Variants in SEMA3E observed in about 807,000 individuals in gnomAD.
SEMA3E encodes semaphorin 3E.
A neutral mutation model predicts 93.6 loss-of-function variants in SEMA3E; 49 were observed. The observed-to-expected ratio is 0.52, with a 90% CI of 0.42 to 0.66. The LOEUF (loss-of-function observed/expected upper bound fraction) is 0.66. Among genes scored for constraint, SEMA3E ranks in the 30% least tolerant of loss-of-function variants. The pLI is 0.00. For missense variants in SEMA3E, 906 were observed against 964.8 expected, an observed-to-expected ratio of 0.94 and a Z score of 0.81; for synonymous variants, 363 against 330.7, an observed-to-expected ratio of 1.10 and a Z score of -1.06.
At chr7:83,568,093 T>C (rs78682819) in intron 1 of SEMA3E, among the ~76,000 whole-genome samples, 168 of 152,148 alleles carry the variant, frequency 1.1e-3, no homozygotes, top group African/African-American at 4.0e-3. Flanking sequence ...AAGGGATTAT[T>C]ATGAGCAACT....
At chr7:83,385,528 A>T in intron 15 of SEMA3E, 95 bp from the exon 16 acceptor site, 1 of 1,208,190 alleles carries the variant, frequency 8.3e-7, no homozygotes, top group Non-Finnish European at 1.2e-6. Flanking sequence ...TAACATGATT[A>T]ACTCATTACT....
chr7:83,600,168 G>A (rs1792957131), intron 1 of SEMA3E, among the ~76,000 whole-genome samples: 3 of 152,040 alleles, frequency 2.0e-5, no homozygotes, highest in Non-Finnish European at 4.4e-5. Context: ...TGCTCTGGCA[G>A]CTTTGTTCAT....
rs781177943 is a variant in SEMA3E, at chr7:83,407,104, A to G, written c.806T>C (p.Leu269Pro). The G allele has an allele frequency of 1.2e-6, 2 of 1,613,508 alleles. No homozygotes were observed. The highest frequency in any genetic ancestry group is 1.1e-5 in the South Asian group (1 of 91,082). Residue 269 changes from leucine to proline, a missense_variant, in exon 7 of 17, where the codon CTC becomes CCC. Physicochemically the swap from Leu to Pro is moderately conservative, Grantham distance 98. Coordinates refer to ENST00000643230, the MANE Select transcript of SEMA3E (RefSeq NM_012431.3). Reference sequence around the variant, plus strand: ...TGAGAGAGAAAGCCTCACCACACAGAGTCGCCCGACCCTGGTGTAAATTGC... The same window carrying G: ...TGAGAGAGAAAGCCTCACCACACAGGGTCGCCCGACCCTGGTGTAAATTGC... ...AHAIYTRVGRLCVNDVGGQRI... is the reference protein window; with the variant it reads ...AHAIYTRVGRPCVNDVGGQRI...
At chr7:83,475,851 T>A (rs565702187) in intron 2 of SEMA3E, among the ~76,000 whole-genome samples, 1 of 152,184 alleles carries the variant, frequency 6.6e-6, no homozygotes, top group South Asian at 2.1e-4. Context: ...ACATGCATTG[T>A]TCCTAGCAGC....
At chr7:83,465,474 A>T (rs192160482) in intron 4 of SEMA3E, among the ~76,000 whole-genome samples, 3 of 152,348 alleles carry the variant, frequency 2.0e-5, no homozygotes, top group Admixed American at 1.3e-4. Flanking sequence ...AAGCACTTCA[A>T]ATACTTCGAA....
Position 83,463,210 on chromosome 7 carries a change from C to T in SEMA3E, c.456+3272G>A, listed in dbSNP as rs59168711. Among the ~76,000 whole-genome samples the T allele has an allele frequency of 5.7e-3, 859 of 151,558 alleles. 7 individuals carry two copies. Among genetic ancestry groups the T allele is most frequent in the African/African-American group, 0.02 (819 of 41,376 alleles). On this transcript the variant is annotated intron_variant, in intron 4 of 16. Transcript: ENST00000643230. ...CTTTCCTTCCTAGGCATGGTTAGCGCGGTCAGAATTCTTACACAAGAGCCA... is the reference window on the plus strand; with the variant it reads ...CTTTCCTTCCTAGGCATGGTTAGCGTGGTCAGAATTCTTACACAAGAGCCA...
At chr7:83,623,516 T>C (rs1584371240) in intron 1 of SEMA3E, among the ~76,000 whole-genome samples, 1 of 152,136 alleles carries the variant, frequency 6.6e-6, no homozygotes, top group Admixed American at 6.6e-5. Flanking sequence ...AAGTATACGT[T>C]ATGATTTTAG....
At chr7:83,459,985 A>G (rs1485936600) in intron 4 of SEMA3E, among the ~76,000 whole-genome samples, 4 of 152,194 alleles carry the variant, frequency 2.6e-5, no homozygotes, top group African/African-American at 4.8e-5. Flanking sequence ...CCCAAATCCT[A>G]TAAAACGGCC....
rs537849795 is a variant in SEMA3E at position 83,449,062 on chromosome 7, T to C, written c.456+17420A>G. Among the ~76,000 whole-genome samples the C allele has an allele frequency of 1.7e-4, 26 of 151,910 alleles. No individual in the cohort carries two copies. The South Asian group carries it at 4.8e-3, about 28-fold the overall frequency. On this transcript the variant is annotated intron_variant, in intron 4 of 16. Coordinates refer to ENST00000643230, the MANE Select transcript of SEMA3E (RefSeq NM_012431.3). ...AGTTTAGGTTTGAATTTTTATACAA[T>C]TAAATTTTAAGTTTTATTTTTTAAA...
chr7:83,460,754 C>T (rs963243090), intron 4 of SEMA3E, among the ~76,000 whole-genome samples: 10 of 150,632 alleles, frequency 6.6e-5, no homozygotes, highest in Non-Finnish European at 1.2e-4. Flanking sequence ...CCCTTATCTC[C>T]GTGCCCCGGC....
intron 1 of SEMA3E, among the ~76,000 whole-genome samples, chr7:83,581,403 A>G (rs1484759090): frequency 6.6e-6 from 1 of 152,020 alleles, no homozygotes. Flanking sequence ...AAGAACAAGG[A>G]AGTGAACTCT....
chr7:83,406,267 G>A (rs1286408665), intron 7 of SEMA3E, among the ~76,000 whole-genome samples: 1 of 151,784 alleles, frequency 6.6e-6, no homozygotes, highest in Non-Finnish European at 1.5e-5. Flanking sequence ...GGCCTTGTCA[G>A]TGCACTTTCA....
intron 2 of SEMA3E, among the ~76,000 whole-genome samples, chr7:83,487,981 T>C (rs925083545): frequency 1.3e-5 from 2 of 151,978 alleles, no homozygotes; most frequent in African/African-American, 4.8e-5. Flanking sequence ...CTAAAACATA[T>C]GGGCAAGTGT....
At chr7:83,525,059 A>T (rs756499948) in intron 1 of SEMA3E, among the ~76,000 whole-genome samples, 3 of 152,040 alleles carry the variant, frequency 2.0e-5, no homozygotes, top group Non-Finnish European at 2.9e-5. Flanking sequence ...ACGGTGCATC[A>T]AGCTTAACTT....
rs765143049 is a variant in SEMA3E at position 83,392,689 on chromosome 7, C to T, written c.1533G>A (p.Val511=). The T allele has an allele frequency of 9.9e-6, 16 of 1,613,648 alleles. No individual in the cohort carries two copies. The South Asian group carries it at 1.6e-4, about 17-fold the overall frequency. Residue 511 remains valine (V), a synonymous_variant, in exon 14 of 17, where the codon GTG becomes GTA. Transcript: ENST00000643230. ...QQLYIGSASA[V]AQVRFHHCDM... ...CACAGTGATGGAATCTGACTTGAGC[C>T]ACAGCAGAAGCAGATCCAATATACA... is the stretch of plus-strand genomic sequence containing the variant.
intron 1 of SEMA3E, among the ~76,000 whole-genome samples, chr7:83,602,936 T>G (rs538757469): frequency 6.6e-6 from 1 of 152,316 alleles, no homozygotes; most frequent in African/African-American, 2.4e-5. Flanking sequence ...TAGATAAAAT[T>G]ACACTTGACT....
chr7:83,385,952 T>C lies in SEMA3E; in HGVS notation c.1736-519A>G, dbSNP rs552259930. ...AGGGACTTTGTGAAATAAAGCTTGA[T>C]TATAATCTGTGTCTTGGACCAGAAA... On this transcript the variant is annotated intron_variant, in intron 15 of 16. Coordinates refer to ENST00000643230, the MANE Select transcript of SEMA3E (RefSeq NM_012431.3). Among the ~76,000 whole-genome samples the C allele has an allele frequency of 2.6e-5, 4 of 152,248 alleles. No individual in the cohort carries two copies. The South Asian group carries it at 8.3e-4, about 32-fold the overall frequency.
intron 1 of SEMA3E, among the ~76,000 whole-genome samples, chr7:83,605,279 A>T (rs215327): frequency 2.0e-5 from 3 of 151,936 alleles, no homozygotes; most frequent in Admixed American, 2.0e-4. Context: ...TTCTCCACAG[A>T]CTTGCCGGTA....
At chr7:83,583,449 A>T (rs1297891498) in intron 1 of SEMA3E, among the ~76,000 whole-genome samples, 1 of 152,122 alleles carries the variant, frequency 6.6e-6, no homozygotes, top group Non-Finnish European at 1.5e-5. Context: ...CTGTGAATCC[A>T]TCCCTGTGCA....
Sources: gnomAD v4.1 joint callset for allele counts (sites outside exome capture counted in the v4.1 genomes callset) on GRCh38, gnomAD v4.1.1 for gene constraint, MANE v1.5 for transcripts, NCBI Gene and HGNC (gene_info 2026-07-23, HGNC 2026-07-21) for gene names.